SCLT1: variants seen among roughly 807,000 people sequenced by gnomAD.
SCLT1 encodes the protein sodium channel-associated protein 1.
In SCLT1, 78 loss-of-function variants were observed where a neutral mutation model predicts 112.8. The observed-to-expected ratio is 0.69, with a 90% confidence interval of 0.58 to 0.83. The LOEUF is 0.83. SCLT1 is among the 40% of genes least tolerant of loss of function. The pLI is 0.00. For missense variants in SCLT1, 747 were observed against 770.4 expected (o/e 0.97, Z 0.36); for synonymous variants, 257 against 254.7 (o/e 1.01, Z -0.09).
intron 1 of SCLT1, among the ~76,000 whole-genome samples, chr4:129,085,013 T>G (rs1752270024): frequency 6.6e-6 from 1 of 151,974 alleles, no homozygotes; most frequent in South Asian, 2.1e-4. Context: ...AAGCAAAAAT[T>G]ACAAATGGAA....
At chr4:129,076,982 A>T (rs1243710506) in intron 2 of SCLT1, among the ~76,000 whole-genome samples, 1 of 152,072 alleles carries the variant, frequency 6.6e-6, no homozygotes, top group African/African-American at 2.4e-5. Flanking sequence ...AATGAGCCAA[A>T]TATTTAATAT....
intron 5 of SCLT1, among the ~76,000 whole-genome samples, chr4:129,007,222 C>T (rs184542127): frequency 5.9e-5 from 9 of 151,862 alleles, no homozygotes; most frequent in Admixed American, 2.0e-4. Context: ...TGAAGGTCTT[C>T]GGTATTAGTA....
intron 2 of SCLT1, among the ~76,000 whole-genome samples, chr4:129,082,097 G>T (rs11737495): frequency 0.088 from 13,418 of 152,148 alleles, 761 homozygotes; most frequent in South Asian, 0.15. Flanking sequence ...TCCCATTTTA[G>T]AACTCAGACA....
chr4:128,962,533 T>C (rs2126019076), intron 11 of SCLT1, among the ~76,000 whole-genome samples: 1 of 152,316 alleles, frequency 6.6e-6, no homozygotes, highest in South Asian at 2.1e-4. Flanking sequence ...AAAACAGGGA[T>C]GGCTAAGAAA....
chr4:128,895,984 T>A (rs1733719826), intron 18 of SCLT1, among the ~76,000 whole-genome samples: 1 of 151,952 alleles, frequency 6.6e-6, no homozygotes, highest in Non-Finnish European at 1.5e-5. Flanking sequence ...GCAGCGAGGC[T>A]GGGGGAGGGG....
At chr4:128,890,462 C>T (rs1015532152) in intron 19 of SCLT1, among the ~76,000 whole-genome samples, 6 of 151,984 alleles carry the variant, frequency 3.9e-5, no homozygotes, top group Admixed American at 2.0e-4. Flanking sequence ...TTAGGAGTAA[C>T]GATTTCACTA....
intron 11 of SCLT1, among the ~76,000 whole-genome samples, chr4:128,962,745 T>A (rs1739851190): frequency 1.3e-5 from 2 of 152,190 alleles, no homozygotes; most frequent in Admixed American, 6.5e-5. Flanking sequence ...GAAACATTCC[T>A]CATTAATGAG....
rs758559769 is a variant in SCLT1 at position 128,943,047 on chromosome 4, A to G, written c.1581T>C (p.Thr527=). The G allele has an allele frequency of 6.2e-7, 1 of 1,613,032 alleles. No homozygotes were observed. Among genetic ancestry groups the G allele is most frequent in the Non-Finnish European group, 8.5e-7 (1 of 1,179,424 alleles). Residue 527 remains threonine (T), a synonymous_variant, in exon 17 of 21, where the codon ACT becomes ACC. Transcript: ENST00000281142. ...CCAGGGCAATCTTCCTTAAACTCTC[A>G]GTCTCTTTCCGTAACTGTTTATTTT... is the stretch of plus-strand genomic sequence containing the variant. The part of the protein sequence containing the change: ...QQENKQLRKE[T]ESLRKIALEA...
At chr4:129,018,220 A>G (rs1042605961) in intron 5 of SCLT1, among the ~76,000 whole-genome samples, 3 of 152,336 alleles carry the variant, frequency 2.0e-5, no homozygotes, top group Admixed American at 2.0e-4. Flanking sequence ...GGTTATCATT[A>G]GCAGAACCAA....
intron 9 of SCLT1, 80 bp downstream of exon 9, chr4:128,992,087 T>G: frequency 1.2e-6 from 1 of 854,010 alleles, no homozygotes; most frequent in Non-Finnish European, 1.9e-6. Context: ...AAAACACCCA[T>G]GGGGAAAATT....
rs1025237815 is a variant in SCLT1, at chr4:129,093,245, C to G, written c.-142G>C. ...AGCGGTGCAATCTGCATCCTACTCA[C>G]GCGGCATCTACAGCCCCGCCACGCT... On this transcript the variant is annotated 5_prime_UTR_variant, in exon 1 of 21. Transcript: ENST00000281142. 4.2e-6 allele frequency: 3 copies of G among 717,200 alleles called. No homozygotes were observed. The African/African-American group carries it at 5.3e-5, about 13-fold the overall frequency. The allele number at this position is 717,200 out of a possible 1,614,324, so 44.4% of individuals were successfully genotyped here.
intron 9 of SCLT1, among the ~76,000 whole-genome samples, chr4:128,973,927 T>C (rs1341097627): frequency 6.6e-6 from 1 of 152,074 alleles, no homozygotes; most frequent in Non-Finnish European, 1.5e-5. Flanking sequence ...GCAGGAAGTG[T>C]TGAAAAAAAA....
intron 18 of SCLT1, among the ~76,000 whole-genome samples, chr4:128,932,188 C>A (rs1736829267): frequency 6.6e-6 from 1 of 152,054 alleles, no homozygotes; most frequent in South Asian, 2.1e-4. Flanking sequence ...AAAAACAAAA[C>A]TGAAACAAAA....
intron 18 of SCLT1, among the ~76,000 whole-genome samples, chr4:128,899,291 C>A (rs1296343221): frequency 6.6e-6 from 1 of 152,128 alleles, no homozygotes; most frequent in Non-Finnish European, 1.5e-5. Context: ...TACTGGCAAA[C>A]CGAATCCAGC....
chr4:128,989,373 A>G (rs1742367968), intron 9 of SCLT1, among the ~76,000 whole-genome samples: 1 of 151,856 alleles, frequency 6.6e-6, no homozygotes, highest in Non-Finnish European at 1.5e-5. Context: ...CTCCTAAATG[A>G]CCATTGGGTC....
intron 2 of SCLT1, among the ~76,000 whole-genome samples, chr4:129,077,692 T>C (rs1284760361): frequency 6.6e-6 from 1 of 152,160 alleles, no homozygotes; most frequent in African/African-American, 2.4e-5. Context: ...ACAACTAAGT[T>C]ACAGTGATAA....
intron 18 of SCLT1, among the ~76,000 whole-genome samples, chr4:128,924,655 T>TCTAA (rs1158168204): frequency 6.6e-6 from 1 of 152,174 alleles, no homozygotes; most frequent in Non-Finnish European, 1.5e-5. Context: ...TTGCTTATCA[T>TCTAA]AAGATTTTCT....
intron 2 of SCLT1, among the ~76,000 whole-genome samples, chr4:129,074,621 C>T (rs980420421): frequency 6.6e-6 from 1 of 152,052 alleles, no homozygotes; most frequent in Non-Finnish European, 1.5e-5. Context: ...TTTAAAAAAG[C>T]TATACTAAAT....
At position 128,943,008 on chromosome 4, in the gene SCLT1, T is replaced by TC; in HGVS notation, c.1619_1620insG (p.Ala541SerfsTer11). On this transcript the variant is annotated frameshift_variant, in exon 17 of 21. Transcript: ENST00000281142. LOFTEE classifies it high-confidence loss of function. ...GTCTTGAAAATACCTTTACTTTGGC[T>TC]TTTTTTTGAGCCTCCAGGGCAATCT... is the stretch of plus-strand genomic sequence containing the variant. 6.3e-7 allele frequency: 1 copy of TC among 1,582,490 alleles called. No individual in the cohort carries two copies. Among genetic ancestry groups the TC allele is most frequent in the East Asian group, 2.3e-5 (1 of 44,346 alleles).
Sources: gnomAD v4.1 joint callset for allele counts (sites outside exome capture counted in the v4.1 genomes callset) on GRCh38, gnomAD v4.1.1 for gene constraint, MANE v1.5 for transcripts, NCBI Gene and HGNC (gene_info 2026-07-23, HGNC 2026-07-21) for gene names.